ABCC5: variants seen among roughly 807,000 people sequenced by gnomAD.
The protein encoded by ABCC5 is ATP binding cassette subfamily C member 5.
Under a neutral mutation model 160.9 loss-of-function variants are expected in ABCC5, and 61 were observed. The observed-to-expected ratio is 0.38, with a 90% CI of 0.31 to 0.47. ABCC5 has a LOEUF of 0.47. Among genes scored for constraint, ABCC5 ranks in the 20% least tolerant of loss-of-function variants. ABCC5 has a pLI of 0.99. For synonymous variants in ABCC5, 666 were observed against 700.6 expected (o/e 0.95, Z 0.78); for missense variants, 1,308 against 1,813.3 (o/e 0.72, Z 5.06).
intron 12 of ABCC5, 134 bp downstream of exon 12, chr3:183,967,561 T>G: frequency 2.8e-5 from 21 of 759,326 alleles, no homozygotes; most frequent in Non-Finnish European, 3.6e-5. Context: ...CTGCGGGGGA[T>G]TGGGGGCATA....
At chr3:183,955,098 A>G (rs1489139253) in intron 17 of ABCC5, among the ~76,000 whole-genome samples, 1 of 152,178 alleles carries the variant, frequency 6.6e-6, no homozygotes, top group East Asian at 1.9e-4. Flanking sequence ...TCCCAGTAGC[A>G]GACGTCAGAG....
intron 2 of ABCC5, among the ~76,000 whole-genome samples, chr3:183,991,169 T>C (rs967927630): frequency 1.3e-5 from 2 of 151,364 alleles, no homozygotes; most frequent in African/African-American, 4.9e-5. Context: ...TGGTGATGCG[T>C]GCCTGCAGTA....
intron 29 of ABCC5, among the ~76,000 whole-genome samples, chr3:183,923,026 A>G (rs1712159574): frequency 6.6e-6 from 1 of 152,196 alleles, no homozygotes; most frequent in African/African-American, 2.4e-5. Context: ...GGCAGAGAGC[A>G]TCCCATCTGT....
intron 2 of ABCC5, among the ~76,000 whole-genome samples, chr3:184,008,053 A>G (rs1721384609): frequency 6.6e-6 from 1 of 152,194 alleles, no homozygotes; most frequent in Admixed American, 6.5e-5. Flanking sequence ...GTTCCCTGAG[A>G]GAGAAGCACT....
chr3:183,943,144 G>A (rs955566275), intron 24 of ABCC5, among the ~76,000 whole-genome samples: 1 of 152,186 alleles, frequency 6.6e-6, no homozygotes, highest in African/African-American at 2.4e-5. Flanking sequence ...AGCAGCCTGG[G>A]GAGGGAAGTG....
chr3:184,006,737 G>A (rs1312840754), intron 2 of ABCC5, among the ~76,000 whole-genome samples: 1 of 151,964 alleles, frequency 6.6e-6, no homozygotes, highest in Non-Finnish European at 1.5e-5. Context: ...CCACATCTTT[G>A]ATCCCTAAGA....
At chr3:183,939,363 G>A (rs1270231345) in intron 25 of ABCC5, among the ~76,000 whole-genome samples, 2 of 152,192 alleles carry the variant, frequency 1.3e-5, no homozygotes, top group African/African-American at 4.8e-5. Context: ...AACCTGGGAG[G>A]CGGAGGTTGC....
intron 2 of ABCC5, among the ~76,000 whole-genome samples, chr3:184,005,709 A>G (rs1403007884): frequency 6.6e-6 from 1 of 152,086 alleles, no homozygotes; most frequent in Admixed American, 6.6e-5. Context: ...GCAGCCCACC[A>G]CCATGGCACA....
At position 183,938,044 on chromosome 3, in the gene ABCC5, C is replaced by G. The variant is rs1468867616; in HGVS notation, c.3711G>C (p.Gly1237=). The G allele has an allele frequency of 6.2e-7, 1 of 1,613,970 alleles. No individual in the cohort carries two copies. The highest frequency in any genetic ancestry group is 1.1e-5 in the South Asian group (1 of 91,072). ...ACTCCACCAGACGGAAGAGGGCCAT[C>G]CCCAGCGAGGACTTCCCTGATGAGT... ...GRTGSGKSSL[G]MALFRLVELS... is the part of the protein sequence containing the mutation. The change falls in exon 26 of 30, where the codon GGG becomes GGC. Residue 1237 remains glycine, a synonymous_variant. Coordinates refer to ENST00000334444, the MANE Select transcript of ABCC5 (RefSeq NM_005688.4).
chr3:183,936,225 C>G (rs1269056214), intron 26 of ABCC5, among the ~76,000 whole-genome samples: 1 of 152,146 alleles, frequency 6.6e-6, no homozygotes, highest in African/African-American at 2.4e-5. Context: ...AGACAACCAT[C>G]TGCAAACCAG....
chr3:183,922,821 GCGTGTCCTTCCTTTGGACA>G (rs3840257), intron 29 of ABCC5, among the ~76,000 whole-genome samples: 25 of 151,058 alleles, frequency 1.7e-4, no homozygotes, highest in Admixed American at 1.2e-3. Context: ...GAGAACATAA[GCGTGTCCTTCCTTTGGACA>G]CGTGTCCTTC....
At chr3:183,954,773 T>C (rs1046055641) in intron 17 of ABCC5, among the ~76,000 whole-genome samples, 10 of 152,170 alleles carry the variant, frequency 6.6e-5, no homozygotes, top group African/African-American at 2.2e-4. Context: ...TTAAGAATCA[T>C]GACCAGTGAC....
At chr3:183,929,528 C>T (rs1333510448) in intron 26 of ABCC5, among the ~76,000 whole-genome samples, 2 of 152,070 alleles carry the variant, frequency 1.3e-5, no homozygotes, top group African/African-American at 2.4e-5. Context: ...GTTCACAACC[C>T]TGTAATTGAG....
chr3:183,999,271 G>C (rs1720551193), intron 2 of ABCC5, among the ~76,000 whole-genome samples: 1 of 150,854 alleles, frequency 6.6e-6, no homozygotes, highest in South Asian at 2.1e-4. Context: ...AAAAAAAAAA[G>C]TATGTCTATT....
intron 16 of ABCC5, among the ~76,000 whole-genome samples, chr3:183,960,720 A>T (rs1199789777): frequency 1.3e-5 from 2 of 152,024 alleles, no homozygotes; most frequent in Non-Finnish European, 2.9e-5. Flanking sequence ...GACTCAATAA[A>T]CAGCCATCAG....
intron 27 of ABCC5, 22 bp downstream of exon 27, chr3:183,928,725 T>C: frequency 1.2e-6 from 2 of 1,610,210 alleles, no homozygotes; most frequent in South Asian, 2.2e-5. Flanking sequence ...TCAGCACGGC[T>C]TCCCCTAAGC....
chr3:183,965,380 T>C lies in ABCC5; in HGVS notation c.1955A>G (p.Glu652Gly). The C allele has an allele frequency of 6.2e-7, 1 of 1,614,146 alleles. No homozygotes were observed. The highest frequency in any genetic ancestry group is 1.1e-5 in the South Asian group (1 of 91,084). Residue 652 changes from glutamate (E) to glycine (G), a missense_variant, in exon 13 of 30, where the codon GAA becomes GGA. Glu to Gly is a moderately conservative substitution (Grantham distance 98, BLOSUM62 -2). Around this residue, in one of 3 missense-constraint regions of ABCC5, gnomAD observed 1,142 missense variants for 1,527.1 expected, o/e 0.75. Transcript: ENST00000334444. ...NILFGKEYDE[E>G]RYNSVLNSCC... Reference sequence around the variant, plus strand: ...ACAGAAGCCAAACATTCCTTGCCTTTCTTCATCATATTCCTTCCCAAACAG... The same window carrying C: ...ACAGAAGCCAAACATTCCTTGCCTTCCTTCATCATATTCCTTCCCAAACAG...
chr3:183,936,511 GAT>G (rs1491260691), intron 26 of ABCC5, among the ~76,000 whole-genome samples: 1 of 146,068 alleles, frequency 6.8e-6, no homozygotes, highest in Non-Finnish European at 1.5e-5. Flanking sequence ...CTTTTAGAAT[GAT>G]TTTTTTTTTT....
At chr3:183,946,469 C>T (rs1714858915) in intron 23 of ABCC5, among the ~76,000 whole-genome samples, 1 of 152,114 alleles carries the variant, frequency 6.6e-6, no homozygotes, top group African/African-American at 2.4e-5. Context: ...CTGGACATCT[C>T]GGGGTATCTG....
Sources: allele counts gnomAD v4.1 joint callset (sites outside exome capture counted in the v4.1 genomes callset), GRCh38; gene constraint gnomAD v4.1.1; regional missense constraint gnomAD v4.1.1; transcripts MANE v1.5; gene names NCBI Gene and HGNC (gene_info 2026-07-23, HGNC 2026-07-21).